The following KIAA1217 variants were observed in gnomAD, a reference collection of about 807,000 sequenced individuals.
KIAA1217 encodes sickle tail protein homolog.
A neutral mutation model predicts 163.9 loss-of-function variants in KIAA1217; 88 were observed. That is an observed-to-expected ratio of 0.54 (90% CI 0.45 to 0.64). The LOEUF is 0.64. Ranked by LOEUF, KIAA1217 falls within the 30% of genes least tolerant of loss-of-function variation. KIAA1217 has a pLI of 0.00. For missense variants in KIAA1217, 2,372 were observed against 2,475.0 expected, an observed-to-expected ratio of 0.96 and a Z score of 0.88; for synonymous variants, 903 against 923.1, an observed-to-expected ratio of 0.98 and a Z score of 0.39.
At chr10:24,102,933 T>G (rs187946619) in intron 2 of KIAA1217, among the ~76,000 whole-genome samples, 18 of 152,284 alleles carry the variant, frequency 1.2e-4, no homozygotes, top group African/African-American at 3.9e-4. Context: ...CTCAGGGCAG[T>G]GATTAAGTCT....
chr10:24,545,716 G>T, intron 20 of KIAA1217, 111 bp from the exon 21 acceptor site: 1 of 1,507,564 alleles, frequency 6.6e-7, no homozygotes, highest in Non-Finnish European at 8.8e-7. Context: ...ACTGTGTTTG[G>T]TTGGTTTTCT....
At chr10:23,871,646 CA>C (rs141817652) in intron 1 of KIAA1217, among the ~76,000 whole-genome samples, 466 of 152,112 alleles carry the variant, frequency 3.1e-3, no homozygotes, top group African/African-American at 0.011. Context: ...CCCCTGTCAC[CA>C]CCAAAATTGA....
chr10:24,494,278 G>A (rs566596791), intron 6 of KIAA1217, among the ~76,000 whole-genome samples: 5 of 152,180 alleles, frequency 3.3e-5, no homozygotes, highest in Admixed American at 2.0e-4. Flanking sequence ...TCCGTGCTGT[G>A]TCTTTTTTTA....
chr10:24,199,289 C>G (rs1266958431), intron 2 of KIAA1217, among the ~76,000 whole-genome samples: 2 of 152,122 alleles, frequency 1.3e-5, no homozygotes, highest in Admixed American at 6.5e-5. Context: ...TATATATTTA[C>G]TATACAGGAT....
At chr10:24,345,035 C>G (rs1336189) in intron 2 of KIAA1217, among the ~76,000 whole-genome samples, 6 of 151,974 alleles carry the variant, frequency 3.9e-5, no homozygotes, top group Non-Finnish European at 7.4e-5. Flanking sequence ...TAGTTCCACA[C>G]CCCAGTCAGA....
At chr10:23,870,537 G>C (rs1288738173) in intron 1 of KIAA1217, among the ~76,000 whole-genome samples, 1 of 152,072 alleles carries the variant, frequency 6.6e-6, no homozygotes, top group Non-Finnish European at 1.5e-5. Flanking sequence ...AGCCAGGGTC[G>C]TGGGGACTTA....
chr10:24,324,137 A>G (rs1157755582), intron 2 of KIAA1217, among the ~76,000 whole-genome samples: 1 of 151,694 alleles, frequency 6.6e-6, no homozygotes, highest in Non-Finnish European at 1.5e-5. Context: ...ACATGGTAAC[A>G]TGTGCCTGTA....
intron 2 of KIAA1217, among the ~76,000 whole-genome samples, chr10:24,126,103 C>T (rs2063464168): frequency 6.6e-6 from 1 of 152,156 alleles, no homozygotes; most frequent in Non-Finnish European, 1.5e-5. Flanking sequence ...AGGCATATAT[C>T]ATTAAATAAT....
chr10:24,065,237 G>T (rs1283455409), intron 2 of KIAA1217, among the ~76,000 whole-genome samples: 1 of 151,696 alleles, frequency 6.6e-6, no homozygotes, highest in African/African-American at 2.4e-5. Context: ...GTGACGTTAG[G>T]GTGTCAATTT....
intron 1 of KIAA1217, among the ~76,000 whole-genome samples, chr10:23,736,737 G>A (rs996786410): frequency 2.0e-5 from 3 of 152,110 alleles, no homozygotes; most frequent in African/African-American, 4.8e-5. Flanking sequence ...TGTTGCCCAG[G>A]CTGGTCTTGA....
At chr10:24,262,611 C>T (rs1015799413) in intron 2 of KIAA1217, among the ~76,000 whole-genome samples, 13 of 144,524 alleles carry the variant, frequency 9.0e-5, no homozygotes, top group Non-Finnish European at 1.8e-4. Context: ...TGGGTGACAG[C>T]GAGACTCCGT....
At chr10:24,324,216 C>T (rs892577013) in intron 2 of KIAA1217, among the ~76,000 whole-genome samples, 2 of 152,032 alleles carry the variant, frequency 1.3e-5, no homozygotes, top group South Asian at 2.1e-4. Flanking sequence ...TGCATTAAGC[C>T]GTGATCACAC....
intron 2 of KIAA1217, among the ~76,000 whole-genome samples, chr10:24,286,471 C>T (rs1409204052): frequency 1.3e-5 from 2 of 151,280 alleles, no homozygotes; most frequent in African/African-American, 2.4e-5. Context: ...CACACACACA[C>T]ATACACATAC....
At position 24,534,579 on chromosome 10, in the gene KIAA1217, G is replaced by T. The variant is rs547137893; in HGVS notation, c.3414+1342G>T. On this transcript the variant is annotated intron_variant, in intron 16 of 20. Coordinates refer to ENST00000376454, the MANE Select transcript of KIAA1217 (RefSeq NM_019590.5). ...CTGGCTTCATGTCATATTCTTGGTG[G>T]TTACATAATAAAAGTGGTGGCCAGG... Among the ~76,000 whole-genome samples the T allele has an allele frequency of 3.3e-5, 5 of 152,024 alleles. No individual in the cohort carries two copies. In the South Asian group the frequency reaches 1.0e-3, roughly 32 times the overall value.
chr10:24,077,479 G>T (rs1035844306), intron 2 of KIAA1217, among the ~76,000 whole-genome samples: 1 of 152,138 alleles, frequency 6.6e-6, no homozygotes, highest in African/African-American at 2.4e-5. Flanking sequence ...ATGACTTCCA[G>T]CTCCATCTAT....
intron 2 of KIAA1217, among the ~76,000 whole-genome samples, chr10:24,181,844 A>G (rs1434081723): frequency 6.6e-6 from 1 of 152,216 alleles, no homozygotes; most frequent in Non-Finnish European, 1.5e-5. Flanking sequence ...GTGGAACCAT[A>G]TAACACTGAG....
At chr10:24,417,529 C>T (rs1337466642) in intron 3 of KIAA1217, among the ~76,000 whole-genome samples, 1 of 152,146 alleles carries the variant, frequency 6.6e-6, no homozygotes, top group Non-Finnish European at 1.5e-5. Flanking sequence ...AAATATTCCC[C>T]TGAGCTGCTA....
chr10:24,174,097 G>A (rs2065758048), intron 2 of KIAA1217, among the ~76,000 whole-genome samples: 1 of 152,184 alleles, frequency 6.6e-6, no homozygotes, highest in Admixed American at 6.5e-5. Context: ...CCGGAGAAGG[G>A]GCTCAAGTCT....
intron 18 of KIAA1217, 55 bp from the exon 19 acceptor site, chr10:24,542,828 G>C: frequency 3.1e-6 from 5 of 1,611,068 alleles, no homozygotes; most frequent in Non-Finnish European, 2.5e-6. Context: ...ACCTGCCTCT[G>C]CAGATCCATT....
Sources: allele counts gnomAD v4.1 joint callset (sites outside exome capture counted in the v4.1 genomes callset), GRCh38; gene constraint gnomAD v4.1.1; transcripts MANE v1.5; gene names NCBI Gene and HGNC (gene_info 2026-07-23, HGNC 2026-07-21).